The following CYRIB variants were observed in gnomAD, a reference collection of about 807,000 sequenced individuals.
The protein encoded by CYRIB is CYFIP related Rac1 interactor B.
In CYRIB, 8 loss-of-function variants were observed where a neutral mutation model predicts 44.2. The ratio of observed to expected loss-of-function variants is 0.18; its 90% CI spans 0.11 to 0.33. The LOEUF (loss-of-function observed/expected upper bound fraction) is 0.33. CYRIB is among the 10% of genes least tolerant of loss of function. CYRIB has a pLI of 1.00. For missense variants in CYRIB, 185 were observed against 382.8 expected (o/e 0.48, Z 4.31); for synonymous variants, 131 against 127.2 (o/e 1.03, Z -0.20).
intron 1 of CYRIB, among the ~76,000 whole-genome samples, chr8:129,997,243 C>T (rs2096795867): frequency 6.6e-6 from 1 of 152,116 alleles, no homozygotes; most frequent in Admixed American, 6.5e-5. Flanking sequence ...CCACACAATC[C>T]TTCACCCCAA....
intron 2 of CYRIB, among the ~76,000 whole-genome samples, chr8:129,888,095 T>C (rs1454174148): frequency 6.6e-6 from 1 of 152,150 alleles, no homozygotes; most frequent in Non-Finnish European, 1.5e-5. Flanking sequence ...CCTGCCCAAA[T>C]TTCATGAGTG....
chr8:129,978,477 G>A (rs16904184), intron 1 of CYRIB, among the ~76,000 whole-genome samples: 41,233 of 152,010 alleles, frequency 0.27, 5,753 homozygotes, highest in East Asian at 0.39. Context: ...CTCAAGCCTC[G>A]CGCTGTGGGC....
intron 4 of CYRIB, among the ~76,000 whole-genome samples, 192 bp downstream of exon 6, chr8:129,871,183 C>T (rs1025925634): frequency 5.9e-5 from 9 of 152,152 alleles, no homozygotes; most frequent in Non-Finnish European, 1.2e-4. Context: ...CAAAAACTAC[C>T]TATTTATGGA....
In CYRIB at chr8:130,016,157, C is replaced by T. The variant is rs1430128109; in HGVS notation, c.-296+213G>A. 8.8e-5 allele frequency among the ~76,000 whole-genome samples: 13 copies of T among 147,380 alleles called. No homozygotes were observed. In the East Asian group the frequency reaches 2.6e-3, roughly 29 times the overall value. The stretch of plus-strand genomic sequence containing the variant: ...ACTCGAGGCGCCTCCCCCGGGACCC[C>T]CGCGCCCGCCGGCCCGGACGCCCCC... On this transcript the variant is annotated intron_variant, in intron 1 of 14. Coordinates refer to the CYRIB transcript ENST00000401979.
chr8:129,910,389 G>A (rs2077328582), intron 1 of CYRIB, among the ~76,000 whole-genome samples: 1 of 151,196 alleles, frequency 6.6e-6, no homozygotes, highest in Non-Finnish European at 1.5e-5. Context: ...CCAAATTGCT[G>A]TCCAAAGATA....
intron 1 of CYRIB, among the ~76,000 whole-genome samples, chr8:129,938,557 G>A (rs994888992): frequency 2.0e-5 from 3 of 152,192 alleles, no homozygotes; most frequent in South Asian, 2.1e-4. Context: ...TATCCAGAAT[G>A]GCACTTTGTG....
At chr8:129,867,992 A>G (rs2054758710) in intron 4 of CYRIB, among the ~76,000 whole-genome samples, 1 of 152,240 alleles carries the variant, frequency 6.6e-6, no homozygotes, top group Non-Finnish European at 1.5e-5. Flanking sequence ...ACTTCTTCAC[A>G]GTGATGTGCA....
chr8:129,920,170 T>A (rs1489060356), intron 1 of CYRIB, among the ~76,000 whole-genome samples: 1 of 152,076 alleles, frequency 6.6e-6, no homozygotes, highest in African/African-American at 2.4e-5. Context: ...TAAACCTTTA[T>A]CTTTAAAACA....
chr8:129,861,863 C>T (rs2049871125), intron 5 of CYRIB, among the ~76,000 whole-genome samples: 1 of 152,126 alleles, frequency 6.6e-6, no homozygotes, highest in African/African-American at 2.4e-5. Flanking sequence ...TGAGAAATCA[C>T]TTGGTAGAAT....
At chr8:129,902,280 G>A (rs946273951) in intron 2 of CYRIB, among the ~76,000 whole-genome samples, 8 of 152,102 alleles carry the variant, frequency 5.3e-5, no homozygotes, top group African/African-American at 1.4e-4. Context: ...AGTGCATGGC[G>A]TGATCTTGGC....
intron 5 of CYRIB, 51 bp from the exon 8 acceptor site, chr8:129,855,798 T>C: frequency 2.0e-6 from 3 of 1,513,482 alleles, no homozygotes; most frequent in Non-Finnish European, 2.7e-6. Flanking sequence ...CTGTGTGATA[T>C]TTGTTTATTA....
Position 129,850,957 on chromosome 8 carries a change from C to T in CYRIB, c.634-43G>A, listed in dbSNP as rs768882494. On this transcript the variant is annotated intron_variant, in intron 8 of 11. Transcript: ENST00000519824. ...GAACAAAAAAAGTAAAAGTAACAAACGTTATTACTTAAGCACAATTTAAAA... is the reference window on the plus strand; with the variant it reads ...GAACAAAAAAAGTAAAAGTAACAAATGTTATTACTTAAGCACAATTTAAAA... 1.9e-5 allele frequency: 23 copies of T among 1,238,888 alleles called. No homozygotes were observed. The East Asian group carries it at 2.6e-4, about 14-fold the overall frequency. 76.7% of individuals were successfully genotyped at this position (1,238,888 alleles called of 1,614,324 possible).
chr8:129,851,404 G>C (rs1221687562), intron 8 of CYRIB: 1 of 155,176 alleles, frequency 6.4e-6, no homozygotes. Flanking sequence ...GATGTGGCTG[G>C]TGGCAAGAAA....
intron 2 of CYRIB, among the ~76,000 whole-genome samples, chr8:129,900,067 A>G (rs1237127937): frequency 6.6e-6 from 1 of 152,224 alleles, no homozygotes; most frequent in Non-Finnish European, 1.5e-5. Context: ...GGGGATGACA[A>G]AGGATAGAAA....
At chr8:129,912,229 A>T (rs2078408611) in intron 1 of CYRIB, 1 of 152,156 alleles carries the variant, frequency 6.6e-6, no homozygotes, top group Non-Finnish European at 1.5e-5. Flanking sequence ...AATTTACCCC[A>T]GGTTCGATTT....
At chr8:129,851,049 C>A (rs1336298920) in intron 8 of CYRIB, 135 bp from the exon 11 acceptor site, 1 of 626,460 alleles carries the variant, frequency 1.6e-6, no homozygotes, top group East Asian at 2.8e-5. Flanking sequence ...CTAAATAATG[C>A]ACTAGACTCT....
chr8:129,913,848 T>C (rs2079337115), intron 1 of CYRIB, among the ~76,000 whole-genome samples: 1 of 152,224 alleles, frequency 6.6e-6, no homozygotes, highest in Non-Finnish European at 1.5e-5. Context: ...TAAATGAAAG[T>C]TGATGTTATT....
intron 1 of CYRIB, among the ~76,000 whole-genome samples, chr8:129,922,737 C>T (rs536128662): frequency 6.6e-6 from 1 of 151,904 alleles, no homozygotes; most frequent in Non-Finnish European, 1.5e-5. Flanking sequence ...GTGGCAGGTG[C>T]CTGTAGTCCC....
chr8:129,851,172 CAG>C (rs2043051141), intron 8 of CYRIB: 1 of 444,320 alleles, frequency 2.3e-6, no homozygotes, highest in African/African-American at 2.0e-5. Context: ...ACAATGCAGA[CAG>C]GGGGTCAAAG....
Sources: allele counts gnomAD v4.1 joint callset (sites outside exome capture counted in the v4.1 genomes callset), GRCh38; gene constraint gnomAD v4.1.1; transcripts MANE v1.5; gene names NCBI Gene and HGNC (gene_info 2026-07-23, HGNC 2026-07-21).